TAF8: variants seen among roughly 807,000 people sequenced by gnomAD.
The protein encoded by TAF8 is TATA-box binding protein associated factor 8, also known as transcription initiation factor TFIID subunit 8.
A neutral mutation model predicts 36.5 loss-of-function variants in TAF8; 47 were observed. The ratio of observed to expected loss-of-function variants is 1.29; its 90% CI spans 1.02 to 1.64. TAF8 has a LOEUF of 1.64. TAF8 is among the 40% of genes most tolerant of loss of function. TAF8 has a pLI of 0.00. For synonymous variants in TAF8, 175 were observed against 159.5 expected (o/e 1.10, Z -0.73); for missense variants, 420 against 407.6 (o/e 1.03, Z -0.26).
chr6:42,057,257 A>G, intron 4 of TAF8, 132 bp from the exon 5 acceptor site: 1 of 1,325,888 alleles, frequency 7.5e-7, no homozygotes, highest in Non-Finnish European at 1.1e-6. Context: ...ATCGATTGAA[A>G]TACAAAATGC....
At chr6:42,087,065 G>A, downstream of TAF8, 1 of 426,064 alleles carries the variant, frequency 2.3e-6, no homozygotes, top group South Asian at 2.9e-5. Flanking sequence ...CATGTCTTGT[G>A]GCCTCGCCTG....
Position 42,080,992 on chromosome 6 carries a change from A to C in TAF8, c.*3447A>C. 1.0e-6 allele frequency: 1 copy of C among 984,840 alleles called. No homozygotes were observed. Among genetic ancestry groups the C allele is most frequent in the Non-Finnish European group, 1.2e-6 (1 of 829,390 alleles). The allele number at this position is 984,840 out of a possible 1,614,324, so 61.0% of individuals were successfully genotyped here. A position where few individuals can be genotyped will look rare whatever the true frequency, so the allele number is the denominator to read the frequency against. On this transcript the variant is annotated 3_prime_UTR_variant, in exon 9 of 9. Coordinates refer to ENST00000372977, the MANE Select transcript of TAF8 (RefSeq NM_138572.3). Reference sequence around the variant, plus strand: ...TCAGGCTTAGCCCTTGTGTTGGCCTAAGCACACCTGGGAACTTAGTAAAAC... The same window carrying C: ...TCAGGCTTAGCCCTTGTGTTGGCCTCAGCACACCTGGGAACTTAGTAAAAC...
At chr6:42,086,899 C>A (rs971615429), downstream of TAF8, 6 of 820,482 alleles carry the variant, frequency 7.3e-6, no homozygotes, top group Non-Finnish European at 1.2e-5. Context: ...CTTGTCAGAT[C>A]GCCCAGGTGA....
rs1317503668 is a variant in TAF8, at chr6:42,082,565, C to T, written c.*5020C>T. On this transcript the variant is annotated 3_prime_UTR_variant, in exon 9 of 9. Transcript: ENST00000372977. ...TGTTGGCCAGGTTGGTCTCCAACTCCTGACCTCAAGTGATCCGCCCACCTC... is the reference window on the plus strand; with the variant it reads ...TGTTGGCCAGGTTGGTCTCCAACTCTTGACCTCAAGTGATCCGCCCACCTC... 6.6e-6 allele frequency: 1 copy of T among 152,282 alleles called. No homozygotes were observed. Among genetic ancestry groups the T allele is most frequent in the East Asian group, 1.9e-4 (1 of 5,206 alleles). 9.4% of individuals were successfully genotyped at this position (152,282 alleles called of 1,614,324 possible).
chr6:42,086,783 C>T (rs754708818), downstream of TAF8: 21 of 1,544,248 alleles, frequency 1.4e-5, no homozygotes, highest in Middle Eastern at 1.7e-4. Context: ...CCAAGGAGAT[C>T]GGTCACCAGG....
Position 42,076,992 on chromosome 6 carries a change from C to T in TAF8, c.781-108C>T, listed in dbSNP as rs898797399. The T allele has an allele frequency of 4.4e-6, 6 of 1,364,780 alleles. No individual in the cohort carries two copies. The Admixed American group carries it at 9.2e-5, about 21-fold the overall frequency. The allele number at this position is 1,364,780 out of a possible 1,614,324, so 84.5% of individuals were successfully genotyped here. ...GGAATGTTGGAAAGAAGGTGCTTCC[C>T]AGGTTCTAATTTCTCAATTAGAGGA... On this transcript the variant is annotated intron_variant, in intron 7 of 8. Transcript: ENST00000372977.
intron 7 of TAF8, among the ~76,000 whole-genome samples, chr6:42,073,779 G>C (rs1005180493): frequency 1.3e-5 from 2 of 152,136 alleles, no homozygotes; most frequent in African/African-American, 4.8e-5. Flanking sequence ...GCAGAGGAGG[G>C]ATGTTTCTGA....
At position 42,064,219 on chromosome 6, in the gene TAF8, C is replaced by G. The variant is rs147260975; in HGVS notation, c.490-2093C>G. Among the ~76,000 whole-genome samples the G allele has an allele frequency of 1.4e-4, 21 of 152,090 alleles. No individual in the cohort carries two copies. In the East Asian group the frequency reaches 3.9e-3, roughly 28 times the overall value. ...ATGTTTTTAACAAGTACAATATGTT[C>G]AAAATCCACTCATTTTATTATTGGG... is the stretch of plus-strand genomic sequence containing the variant. On this transcript the variant is annotated intron_variant, in intron 5 of 8. Coordinates refer to ENST00000372977, the MANE Select transcript of TAF8 (RefSeq NM_138572.3).
In TAF8 at chr6:42,051,412, G is replaced by A. The variant is rs772654780; in HGVS notation, c.101G>A (p.Arg34Lys). The part of the protein sequence containing the change: ...NPADNYHLAR[R>K]RTLQVVVSSL... ...GCCGATAACTATCATCTGGCCCGGA[G>A]GAGAACCCTGCAGGTGGTTGTGAGC... is the stretch of plus-strand genomic sequence containing the variant. The change falls in exon 2 of 9, where the codon AGG (arginine) becomes AAG (lysine). Residue 34 changes from arginine to lysine, a missense_variant. Transcript: ENST00000372977. The A allele has an allele frequency of 3.7e-6, 6 of 1,614,048 alleles. No homozygotes were observed. In the South Asian group the frequency reaches 6.6e-5, roughly 18 times the overall value.
intron 7 of TAF8, among the ~76,000 whole-genome samples, chr6:42,070,688 T>A (rs1412939370): frequency 6.6e-6 from 1 of 151,882 alleles, no homozygotes; most frequent in African/African-American, 2.4e-5. Flanking sequence ...AGGGGGAAAA[T>A]GAAGGAATTA....
At chr6:42,075,296 C>T (rs986718456) in intron 7 of TAF8, among the ~76,000 whole-genome samples, 1 of 152,178 alleles carries the variant, frequency 6.6e-6, no homozygotes, top group Non-Finnish European at 1.5e-5. Flanking sequence ...CACTTGCTTT[C>T]AAGAGTCTCT....
chr6:42,077,122 A>G lies in TAF8; in HGVS notation c.803A>G (p.Glu268Gly). The G allele has an allele frequency of 6.2e-7, 1 of 1,613,384 alleles. No homozygotes were observed. Among genetic ancestry groups the G allele is most frequent in the Non-Finnish European group, 8.5e-7 (1 of 1,179,544 alleles). ...ISMEDSGAEK[E>G]NTSVLQQNPS... is the part of the protein sequence containing the mutation. ...AAGGAGGATTCTGGAGCCGAGAAGG[A>G]GAACACCTCTGTCCTGCAGCAGAAC... The change falls in exon 8 of 9, where the codon GAG becomes GGG. Residue 268 changes from glutamate (E) to glycine (G), a missense_variant. Transcript: ENST00000372977.
At position 42,081,057 on chromosome 6, in the gene TAF8, A is replaced by G. The variant is rs994127224; in HGVS notation, c.*3512A>G. The G allele has an allele frequency of 2.7e-6, 2 of 734,666 alleles. No individual in the cohort carries two copies. The highest frequency in any genetic ancestry group is 3.9e-5 in the African/African-American group (2 of 51,812). 45.5% of individuals were successfully genotyped at this position (734,666 alleles called of 1,614,324 possible). ...TTTTCAAATACAAAATTAGAGAGCA[A>G]AATATATGAACCCCTGTATATGCCT... On this transcript the variant is annotated 3_prime_UTR_variant, in exon 9 of 9. Transcript: ENST00000372977.
chr6:42,064,075 T>C (rs1445267752), intron 5 of TAF8, among the ~76,000 whole-genome samples: 1 of 152,172 alleles, frequency 6.6e-6, no homozygotes, highest in Non-Finnish European at 1.5e-5. Flanking sequence ...ATAAAACTAA[T>C]TTTTTTCATC....
chr6:42,057,571 G>C, intron 5 of TAF8, 58 bp downstream of exon 5: 2 of 1,600,254 alleles, frequency 1.2e-6, no homozygotes, highest in Non-Finnish European at 1.7e-6. Flanking sequence ...AGTTCCTACT[G>C]ACTGTCACGT....
rs566908349 is a variant in TAF8 at position 42,051,580 on chromosome 6, T to C, written c.202+67T>C. The C allele has an allele frequency of 2.6e-5, 40 of 1,543,776 alleles. No homozygotes were observed. The East Asian group carries it at 8.7e-4, about 34-fold the overall frequency. ...ATCAGTTCTGTGCCCTGCTTTGTGATAGTGTTTGAGAGGATTTAAGAAACA... is the reference window on the plus strand; with the variant it reads ...ATCAGTTCTGTGCCCTGCTTTGTGACAGTGTTTGAGAGGATTTAAGAAACA... On this transcript the variant is annotated intron_variant, in intron 2 of 8. Transcript: ENST00000372977.
chr6:42,067,794 G>T (rs1765418359), intron 6 of TAF8, among the ~76,000 whole-genome samples: 1 of 147,626 alleles, frequency 6.8e-6, no homozygotes, highest in African/African-American at 2.5e-5. Flanking sequence ...CAAACTCCTG[G>T]GCTCAACCAG....
downstream of TAF8, among the ~76,000 whole-genome samples, chr6:42,085,693 C>T (rs767479967): frequency 2.0e-5 from 3 of 151,414 alleles, no homozygotes; most frequent in Non-Finnish European, 4.4e-5. Context: ...AGTTTAAAAG[C>T]CCCCAGGGAG....
At chr6:42,085,830 C>T (rs972891269), downstream of TAF8, among the ~76,000 whole-genome samples, 4 of 152,010 alleles carry the variant, frequency 2.6e-5, no homozygotes, top group Non-Finnish European at 5.9e-5. Context: ...ACTAAAAATA[C>T]AAAAATTAGC....
Sources: gnomAD v4.1 joint callset for allele counts (sites outside exome capture counted in the v4.1 genomes callset) on GRCh38, gnomAD v4.1.1 for gene constraint, MANE v1.5 for transcripts, NCBI Gene and HGNC (gene_info 2026-07-23, HGNC 2026-07-21) for gene names.